The following LINGO2 variants were observed in gnomAD, a reference collection of about 807,000 sequenced individuals.
LINGO2 encodes the protein leucine-rich repeat and immunoglobulin-like domain-containing nogo receptor-interacting protein 2.
Under a neutral mutation model 30.6 loss-of-function variants are expected in LINGO2, and 14 were observed. The observed-to-expected ratio is 0.46, with a 90% confidence interval of 0.30 to 0.72. The LOEUF is 0.72. Among genes scored for constraint, LINGO2 ranks in the 30% least tolerant of loss-of-function variants. The pLI is 0.07. For synonymous variants in LINGO2, 317 were observed against 288.5 expected, an observed-to-expected ratio of 1.10 and a Z score of -1.00; for missense variants, 729 against 751.7, an observed-to-expected ratio of 0.97 and a Z score of 0.35.
At chr9:28,047,435 A>G (rs1446464928) in intron 4 of LINGO2, among the ~76,000 whole-genome samples, 5 of 141,606 alleles carry the variant, frequency 3.5e-5, no homozygotes, top group African/African-American at 1.4e-4. Context: ...TCCAGTTGAA[A>G]TATTAACTAT....
At chr9:28,416,571 C>G (rs1248198413) in intron 2 of LINGO2, among the ~76,000 whole-genome samples, 2 of 152,016 alleles carry the variant, frequency 1.3e-5, no homozygotes, top group Admixed American at 1.3e-4. Flanking sequence ...CAAAGTGTTC[C>G]AAATGAATTA....
intron 1 of LINGO2, among the ~76,000 whole-genome samples, chr9:28,573,753 TTA>T (rs1486216318): frequency 2.0e-5 from 3 of 152,150 alleles, no homozygotes; most frequent in African/African-American, 7.2e-5. Context: ...CAATTCCTAC[TTA>T]TATTTGGGAA....
chr9:28,273,743 C>A (rs1251289066), intron 4 of LINGO2, among the ~76,000 whole-genome samples: 1 of 152,126 alleles, frequency 6.6e-6, no homozygotes, highest in Admixed American at 6.5e-5. Context: ...ACAGTAAAAC[C>A]AAGACTTAAG....
At chr9:27,939,414 CA>C in the LINGO2 span, 4 of 152,236 alleles carry the variant, frequency 2.6e-5, no homozygotes, top group Non-Finnish European at 5.9e-5. Context: ...ACAGAACTGC[CA>C]TGAAGAGCTC....
chr9:28,550,028 C>A (rs972692220), intron 1 of LINGO2, among the ~76,000 whole-genome samples: 2 of 151,676 alleles, frequency 1.3e-5, no homozygotes, highest in South Asian at 4.2e-4. Context: ...TTTAGATAAT[C>A]CTATGATTGC....
the LINGO2 span, among the ~76,000 whole-genome samples, chr9:28,748,237 C>A: frequency 6.6e-6 from 1 of 151,966 alleles, no homozygotes; most frequent in East Asian, 1.9e-4. Flanking sequence ...ATTACAGACT[C>A]TTTGGTTGTA....
At chr9:28,666,884 TA>T in intron 1 of LINGO2, among the ~76,000 whole-genome samples, 1 of 152,324 alleles carries the variant, frequency 6.6e-6, no homozygotes, top group Admixed American at 6.5e-5. Context: ...GTTCATATCC[TA>T]GTAACAGAAT....
intron 4 of LINGO2, among the ~76,000 whole-genome samples, chr9:28,256,910 A>G (rs1320189554): frequency 6.6e-6 from 1 of 151,914 alleles, no homozygotes; most frequent in Non-Finnish European, 1.5e-5. Flanking sequence ...TTAGCAAAGG[A>G]AAAGGTCTAA....
At position 28,039,124 on chromosome 9, in the gene LINGO2, A is replaced by G. The variant is rs41404152; in HGVS notation, c.-86-26719T>C. On this transcript the variant is annotated intron_variant, in intron 4 of 5. Coordinates refer to ENST00000379992, the Ensembl canonical transcript of LINGO2. The stretch of plus-strand genomic sequence containing the variant: ...CAAGGGGAAGAGGACGGACCTCTAT[A>G]TGAACAATTGTTCCTCTGGCTCACC... Among the ~76,000 whole-genome samples, 862 of 152,332 alleles carry G rather than the reference A, an allele frequency of 5.7e-3. 8 individuals carry two copies. Among genetic ancestry groups the G allele is most frequent in the African/African-American group, 0.02 (835 of 41,582 alleles).
At chr9:29,056,251 C>T in the LINGO2 span, among the ~76,000 whole-genome samples, 9 of 152,002 alleles carry the variant, frequency 5.9e-5, no homozygotes, top group South Asian at 2.1e-4. Flanking sequence ...CCCATATCCA[C>T]GCCAGCATCT....
the LINGO2 span, among the ~76,000 whole-genome samples, chr9:28,918,067 G>A: frequency 6.6e-6 from 1 of 151,900 alleles, no homozygotes; most frequent in Non-Finnish European, 1.5e-5. Context: ...GATACACTGT[G>A]TATTAGTCCA....
chr9:28,561,778 TATAA>T (rs1473610262), intron 1 of LINGO2, among the ~76,000 whole-genome samples: 1,308 of 112,984 alleles, frequency 0.012, 226 homozygotes, highest in African/African-American at 0.056. Context: ...TATATATATA[TATAA>T]AAAATATGCT....
At position 27,991,732 on chromosome 9, in the gene LINGO2, T is replaced by C. The variant is rs117765052; in HGVS notation, c.-36+20623A>G. 4.7e-3 allele frequency among the ~76,000 whole-genome samples: 722 copies of C among 152,212 alleles called. 3 individuals carry two copies. The highest frequency in any genetic ancestry group is 8.5e-3 in the Non-Finnish European group (577 of 67,984). On this transcript the variant is annotated intron_variant, in intron 5 of 5. Transcript: ENST00000379992. Reference sequence around the variant, plus strand: ...TTTCTCCCATCTCATAAGACTCCTATGGATAGAACATTTTAGAAGACAAAA... The same window carrying C: ...TTTCTCCCATCTCATAAGACTCCTACGGATAGAACATTTTAGAAGACAAAA...
At chr9:28,808,202 C>T in the LINGO2 span, among the ~76,000 whole-genome samples, 1 of 152,182 alleles carries the variant, frequency 6.6e-6, no homozygotes, top group Non-Finnish European at 1.5e-5. Flanking sequence ...TACACATAAT[C>T]TTGTGATGCA....
chr9:29,118,208 T>C, the LINGO2 span, among the ~76,000 whole-genome samples: 3 of 152,168 alleles, frequency 2.0e-5, no homozygotes, highest in Non-Finnish European at 2.9e-5. Flanking sequence ...CTGTTTTGCA[T>C]TCATTCATCA....
Position 28,252,415 on chromosome 9 carries a change from C to T in LINGO2, c.-87+42793G>A, listed in dbSNP as rs184944687. On this transcript the variant is annotated intron_variant, in intron 4 of 5. Coordinates refer to ENST00000379992, the Ensembl canonical transcript of LINGO2. ...TAATTTGTGTATTCTTTAGTAGAGA[C>T]GGGGTTTTGCCATGTTGGCCAGGAT... Among the ~76,000 whole-genome samples, 6 of 152,070 alleles carry T rather than the reference C, an allele frequency of 3.9e-5. No individual in the cohort carries two copies. The East Asian group carries it at 5.8e-4, about 15-fold the overall frequency.
the LINGO2 span, among the ~76,000 whole-genome samples, chr9:29,179,180 TATATATATATATATATA>T: frequency 7.3e-6 from 1 of 137,888 alleles, no homozygotes; most frequent in Admixed American, 7.3e-5. Flanking sequence ...TATATATATA[TATATATATATATATATA>T]TATATGTTTC....
chr9:28,551,663 T>G (rs2135504179), intron 1 of LINGO2, among the ~76,000 whole-genome samples: 1 of 152,206 alleles, frequency 6.6e-6, no homozygotes, highest in Admixed American at 6.5e-5. Flanking sequence ...CATGATTCTA[T>G]TTTTATTTAT....
chr9:28,695,073 A>G, the LINGO2 span, among the ~76,000 whole-genome samples: 2 of 147,818 alleles, frequency 1.4e-5, no homozygotes, highest in African/African-American at 5.1e-5. Flanking sequence ...AAACAAACAA[A>G]CAAGCACTCC....
Sources: allele counts gnomAD v4.1 joint callset (sites outside exome capture counted in the v4.1 genomes callset), GRCh38; gene constraint gnomAD v4.1.1; transcripts MANE v1.5; gene names NCBI Gene and HGNC (gene_info 2026-07-23, HGNC 2026-07-21).